ZNF555: variants seen among roughly 807,000 people sequenced by gnomAD.
ZNF555 encodes the protein zinc finger protein 555.
A neutral mutation model predicts 14.0 loss-of-function variants in ZNF555; 10 were observed. The ratio of observed to expected loss-of-function variants is 0.72; its 90% CI spans 0.44 to 1.21. The LOEUF is 1.21. ZNF555 is among the 50% of genes most tolerant of loss of function. The pLI is 0.00. For synonymous variants in ZNF555, 277 were observed against 262.4 expected (o/e 1.06, Z -0.54); for missense variants, 747 against 762.0 (o/e 0.98, Z 0.23).
At position 2,857,463 on chromosome 19, in the gene ZNF555, G is replaced by A. The variant is rs997137535; in HGVS notation, c.*3511G>A. The A allele has an allele frequency of 3.9e-5, 6 of 152,092 alleles. No homozygotes were observed. The highest frequency in any genetic ancestry group is 8.8e-5 in the Non-Finnish European group (6 of 68,026). 9.4% of individuals were successfully genotyped at this position (152,092 alleles called of 1,614,324 possible). ...TTTACAAAGACTCCTAAGGCTATATGGTATTCCTTTTATAAGACATGGAAA... is the reference window on the plus strand; with the variant it reads ...TTTACAAAGACTCCTAAGGCTATATAGTATTCCTTTTATAAGACATGGAAA... On this transcript the variant is annotated 3_prime_UTR_variant, in exon 4 of 4. Coordinates refer to ENST00000334241, the MANE Select transcript of ZNF555 (RefSeq NM_152791.5).
In ZNF555 at chr19:2,855,917, A is replaced by G. The variant is rs954446120; in HGVS notation, c.*1965A>G. On this transcript the variant is annotated 3_prime_UTR_variant, in exon 4 of 4. Transcript: ENST00000334241. ...GGGTTAGGCCCCACTCTACTTCAGTATGATTTTACCTTAACTAATTACATT... is the reference window on the plus strand; with the variant it reads ...GGGTTAGGCCCCACTCTACTTCAGTGTGATTTTACCTTAACTAATTACATT... 14 of 152,336 alleles carry G rather than the reference A, an allele frequency of 9.2e-5. No individual in the cohort carries two copies. Among genetic ancestry groups the G allele is most frequent in the African/African-American group, 2.9e-4 (12 of 41,580 alleles). 9.4% of individuals were successfully genotyped at this position (152,336 alleles called of 1,614,324 possible).
rs1018744741 is a variant in ZNF555, at chr19:2,843,190, T to G, written c.3+1615T>G. On this transcript the variant is annotated intron_variant, in intron 1 of 3. Coordinates refer to ENST00000334241, the MANE Select transcript of ZNF555 (RefSeq NM_152791.5). ...TTTTCTTTTATTACTATTATTTTTT[T>G]GGGAGCTCTGTTGCCCATGCTGGAG... 2.6e-5 allele frequency among the ~76,000 whole-genome samples: 4 copies of G among 152,346 alleles called. No homozygotes were observed. In the East Asian group the frequency reaches 5.8e-4, roughly 22 times the overall value.
intron 1 of ZNF555, among the ~76,000 whole-genome samples, chr19:2,847,583 G>T (rs1241075022): frequency 1.3e-5 from 2 of 152,034 alleles, no homozygotes; most frequent in African/African-American, 4.8e-5. Context: ...GTAGATGCAG[G>T]TTCAAATCCT....
At chr19:2,846,819 T>C (rs1357703147) in intron 1 of ZNF555, among the ~76,000 whole-genome samples, 1 of 152,240 alleles carries the variant, frequency 6.6e-6, no homozygotes, top group Non-Finnish European at 1.5e-5. Context: ...GTTAAAAATA[T>C]GCACATGTGG....
chr19:2,845,512 TTTTAGTTC>T (rs2144845170), intron 1 of ZNF555, among the ~76,000 whole-genome samples: 1 of 152,326 alleles, frequency 6.6e-6, no homozygotes, highest in Admixed American at 6.5e-5. Flanking sequence ...GTGGTTCTGT[TTTTAGTTC>T]TTTGAGAAAT....
chr19:2,851,570 T>G lies in ZNF555; in HGVS notation c.233T>G (p.Val78Gly). 6.2e-7 allele frequency: 1 copy of G among 1,612,740 alleles called. No individual in the cohort carries two copies. Among genetic ancestry groups the G allele is most frequent in the Non-Finnish European group, 8.5e-7 (1 of 1,179,704 alleles). Residue 78 changes from valine to glycine, a missense_variant, in exon 3 of 4, where the codon GTT becomes GGT. Coordinates refer to ENST00000334241, the MANE Select transcript of ZNF555 (RefSeq NM_152791.5). ...AAAATAGCCACGTTCACCAGAAATG[T>G]TTCCTGGGCCTCTGTTTTAGGAAAA... ...ESKIATFTRNVSWASVLGKIW... is the reference protein window; with the variant it reads ...ESKIATFTRNGSWASVLGKIW...
At position 2,841,496 on chromosome 19, in the gene ZNF555, C is replaced by A; in HGVS notation, c.-77C>A. On this transcript the variant is annotated 5_prime_UTR_variant, in exon 1 of 4. Transcript: ENST00000334241. ...CTCTGTCCTAGCCGTGAGTGCCCCGCCTGCCCCTAGCGGTCCCTGGCGTCC... is the reference window on the plus strand; with the variant it reads ...CTCTGTCCTAGCCGTGAGTGCCCCGACTGCCCCTAGCGGTCCCTGGCGTCC... 6.5e-7 allele frequency: 1 copy of A among 1,543,256 alleles called. No homozygotes were observed. The highest frequency in any genetic ancestry group is 8.7e-7 in the Non-Finnish European group (1 of 1,143,066).
rs201845669 is a variant in ZNF555 at position 2,853,729 on chromosome 19, T to C, written c.1664T>C (p.Met555Thr). The change falls in exon 4 of 4, where the codon ATG becomes ACG. Residue 555 changes from methionine to threonine, a missense_variant. Met to Thr is a moderately conservative substitution (Grantham distance 81). Transcript: ENST00000334241. ...TGGCCATCATCTTTACCAATACATA[T>C]GAGACTGCACACTGGAGAGAAACCT... ...FKWPSSLPIH[M>T]RLHTGEKPYQ... The C allele has an allele frequency of 2.2e-4, 345 of 1,589,816 alleles. 3 individuals carry two copies. The highest frequency in any genetic ancestry group is 1.1e-3 in the South Asian group (96 of 85,818).
At position 2,854,424 on chromosome 19, in the gene ZNF555, A is replaced by C. The variant is rs141862079; in HGVS notation, c.*472A>C. The C allele has an allele frequency of 5.9e-6, 1 of 168,592 alleles. No homozygotes were observed. The highest frequency in any genetic ancestry group is 2.4e-5 in the African/African-American group (1 of 41,506). 10.4% of individuals were successfully genotyped at this position (168,592 alleles called of 1,614,324 possible). On this transcript the variant is annotated 3_prime_UTR_variant, in exon 4 of 4. Coordinates refer to ENST00000334241, the MANE Select transcript of ZNF555 (RefSeq NM_152791.5). ...CTTTGCTTGTGATTGTGAATTGGACAGTAGGCTTTGACTTGTGATGTGACG... is the reference window on the plus strand; with the variant it reads ...CTTTGCTTGTGATTGTGAATTGGACCGTAGGCTTTGACTTGTGATGTGACG...
intron 1 of ZNF555, among the ~76,000 whole-genome samples, chr19:2,845,677 G>A (rs749407015): frequency 8.6e-5 from 13 of 152,040 alleles, no homozygotes; most frequent in South Asian, 2.1e-4. Flanking sequence ...GTATCTCATC[G>A]TGCTTTTTAT....
rs541130202 is a variant in ZNF555, at chr19:2,858,495, G to C, written c.*4543G>C. 13 of 152,232 alleles carry C rather than the reference G, an allele frequency of 8.5e-5. No homozygotes were observed. The highest frequency in any genetic ancestry group is 3.1e-4 in the African/African-American group (13 of 41,532). 9.4% of individuals were successfully genotyped at this position (152,232 alleles called of 1,614,324 possible). ...TCCTGCCTGGGAGCATCCTGATCCTGTCTTCAGACAAGGGGCATCCGCATC... is the reference window on the plus strand; with the variant it reads ...TCCTGCCTGGGAGCATCCTGATCCTCTCTTCAGACAAGGGGCATCCGCATC... On this transcript the variant is annotated 3_prime_UTR_variant, in exon 4 of 4. Transcript: ENST00000334241.
chr19:2,844,391 C>T (rs2087565000), intron 1 of ZNF555, among the ~76,000 whole-genome samples: 1 of 152,166 alleles, frequency 6.6e-6, no homozygotes, highest in East Asian at 1.9e-4. Flanking sequence ...GCGGGAGCCA[C>T]TGCACCTGGC....
rs1351316354 is a variant in ZNF555, at chr19:2,853,864, C to G, written c.1799C>G (p.Pro600Arg). 6.2e-7 allele frequency: 1 copy of G among 1,614,066 alleles called. No individual in the cohort carries two copies. The highest frequency in any genetic ancestry group is 1.3e-5 in the African/African-American group (1 of 75,048). ...KQYKCNVGHP[P>R]ANEFMCSASE... Reference sequence around the variant, plus strand: ...TATAAGTGTAATGTAGGACATCCTCCTGCAAATGAATTCATGTGCAGTGCT... The same window carrying G: ...TATAAGTGTAATGTAGGACATCCTCGTGCAAATGAATTCATGTGCAGTGCT... The change falls in exon 4 of 4, where the codon CCT (proline) becomes CGT (arginine). Residue 600 changes from proline (P) to arginine (R), a missense_variant. Transcript: ENST00000334241.
In ZNF555 at chr19:2,854,245, C is replaced by A; in HGVS notation, c.*293C>A. The stretch of plus-strand genomic sequence containing the variant: ...ATTACGTATCTATTATATTTTCCAC[C>A]TTTTTTACTGGGAGTATTTTTATTG... On this transcript the variant is annotated 3_prime_UTR_variant, in exon 4 of 4. Coordinates refer to ENST00000334241, the MANE Select transcript of ZNF555 (RefSeq NM_152791.5). 1 of 299,274 alleles carries A rather than the reference C, an allele frequency of 3.3e-6. No homozygotes were observed. The highest frequency in any genetic ancestry group is 6.2e-6 in the Non-Finnish European group (1 of 161,754). 18.5% of individuals were successfully genotyped at this position (299,274 alleles called of 1,614,324 possible).
Position 2,854,001 on chromosome 19 carries a change from T to G in ZNF555, c.*49T>G. 6.3e-7 allele frequency: 1 copy of G among 1,595,382 alleles called. No homozygotes were observed. Among genetic ancestry groups the G allele is most frequent in the Non-Finnish European group, 8.5e-7 (1 of 1,173,038 alleles). On this transcript the variant is annotated 3_prime_UTR_variant, in exon 4 of 4. Transcript: ENST00000334241. ...CTCAAGGAGTGTGTCTGTAGTTCAT[T>G]TGCAAATAAACATTTAGTTGAAAAA...
In ZNF555 at chr19:2,859,823, C is replaced by T. The variant is rs964251723; in HGVS notation, c.*5871C>T. On this transcript the variant is annotated 3_prime_UTR_variant, in exon 4 of 4. Transcript: ENST00000334241. Reference sequence around the variant, plus strand: ...TGAAGACAACTCATTCTTTGATGTTCAGATGGTTGTGGCCCTCTGATGAGA... The same window carrying T: ...TGAAGACAACTCATTCTTTGATGTTTAGATGGTTGTGGCCCTCTGATGAGA... 8.5e-5 allele frequency: 13 copies of T among 152,198 alleles called. No individual in the cohort carries two copies. Among genetic ancestry groups the T allele is most frequent in the African/African-American group, 3.1e-4 (13 of 41,434 alleles). The allele number at this position is 152,198 out of a possible 1,614,324, so 9.4% of individuals were successfully genotyped here.
intron 1 of ZNF555, among the ~76,000 whole-genome samples, chr19:2,843,611 C>T (rs2087557146): frequency 6.6e-6 from 1 of 152,146 alleles, no homozygotes; most frequent in South Asian, 2.1e-4. Flanking sequence ...TGTTATTCTC[C>T]TTGACATGGT....
At chr19:2,850,282 A>C (rs1316172330) in intron 1 of ZNF555, among the ~76,000 whole-genome samples, 1 of 152,244 alleles carries the variant, frequency 6.6e-6, no homozygotes, top group Non-Finnish European at 1.5e-5. Flanking sequence ...GTCTTAAAAT[A>C]CAAGTATTTG....
rs1398826086 is a variant in ZNF555 at position 2,855,869 on chromosome 19, T to C, written c.*1917T>C. ...GTGTGTCTCTCCATGTGACAATATTTTTATACATACACACCACTCATTGGG... is the reference window on the plus strand; with the variant it reads ...GTGTGTCTCTCCATGTGACAATATTCTTATACATACACACCACTCATTGGG... On this transcript the variant is annotated 3_prime_UTR_variant, in exon 4 of 4. Transcript: ENST00000334241. 1 of 152,158 alleles carries C rather than the reference T, an allele frequency of 6.6e-6. No homozygotes were observed. The highest frequency in any genetic ancestry group is 1.5e-5 in the Non-Finnish European group (1 of 68,036). The allele number at this position is 152,158 out of a possible 1,614,324, so 9.4% of individuals were successfully genotyped here.
Sources: gnomAD v4.1 joint callset for allele counts (sites outside exome capture counted in the v4.1 genomes callset) on GRCh38, gnomAD v4.1.1 for gene constraint, MANE v1.5 for transcripts, NCBI Gene and HGNC (gene_info 2026-07-23, HGNC 2026-07-21) for gene names.